Variants in ADAMTSL1 observed in about 807,000 individuals in gnomAD.
ADAMTSL1 encodes ADAMTS like 1.
In ADAMTSL1, 126 loss-of-function variants were observed where a neutral mutation model predicts 201.8. That is an observed-to-expected ratio of 0.62 (90% CI 0.54 to 0.72). ADAMTSL1 has a LOEUF of 0.72. Ranked by LOEUF, ADAMTSL1 falls within the 30% of genes least tolerant of loss-of-function variation. The pLI, the probability that ADAMTSL1 is intolerant of heterozygous loss-of-function variation, is 0.00. For synonymous variants in ADAMTSL1, 1,121 were observed against 903.4 expected, an observed-to-expected ratio of 1.24 and a Z score of -4.32; for missense variants, 2,679 against 2,277.8, an observed-to-expected ratio of 1.18 and a Z score of -3.59.
chr9:18,652,692 T>C (rs1828372054), intron 7 of ADAMTSL1, among the ~76,000 whole-genome samples: 1 of 152,212 alleles, frequency 6.6e-6, no homozygotes, highest in African/African-American at 2.4e-5. Context: ...GAAGCTGGGA[T>C]GTTTGGTAAG....
chr9:18,625,018 T>C, intron 5 of ADAMTSL1, among the ~76,000 whole-genome samples: 1 of 152,224 alleles, frequency 6.6e-6, no homozygotes, highest in Admixed American at 6.5e-5. Flanking sequence ...TCACTTATGT[T>C]TCTCTACTCT....
chr9:18,657,608 A>T, intron 7 of ADAMTSL1, 31 bp from the exon 8 acceptor site: 1 of 1,552,016 alleles, frequency 6.4e-7, no homozygotes, highest in Non-Finnish European at 8.9e-7. Context: ...GCACTGTCAC[A>T]TTACTTCTAC....
chr9:18,102,610 A>G (rs983115413), intron 1 of ADAMTSL1, among the ~76,000 whole-genome samples: 4 of 152,204 alleles, frequency 2.6e-5, no homozygotes, highest in Non-Finnish European at 5.9e-5. Flanking sequence ...GGAGCAGGTC[A>G]TGAAGAAAGA....
chr9:18,837,636 G>C (rs1446576608), intron 23 of ADAMTSL1, among the ~76,000 whole-genome samples: 1 of 152,138 alleles, frequency 6.6e-6, no homozygotes, highest in Non-Finnish European at 1.5e-5. Context: ...TACTCAAGGG[G>C]ATCCTCTGCA....
Position 17,952,119 on chromosome 9 carries a change from CT to C in ADAMTSL1, c.87+45212del, listed in dbSNP as rs541405219. ...GCCTGGCTAATTGGTTTCTTTCTTT[CT>C]TTTTTTTTTTTTTTGTAAAGATGGA... On this transcript the variant is annotated intron_variant, in intron 1 of 29. Transcript: ENST00000680146. 1.5e-3 allele frequency among the ~76,000 whole-genome samples: 214 copies of C among 139,630 alleles called. 1 individual carries two copies. The highest frequency in any genetic ancestry group is 1.4e-3 in the East Asian group (7 of 4,862). 91.6% of individuals were successfully genotyped at this position (139,630 alleles called of 152,430 possible).
At chr9:18,446,034 C>T (rs1345814233) in intron 2 of ADAMTSL1, among the ~76,000 whole-genome samples, 2 of 152,094 alleles carry the variant, frequency 1.3e-5, no homozygotes, top group Non-Finnish European at 2.9e-5. Context: ...AACCAGGAAG[C>T]GATGGACCCA....
At chr9:18,234,613 G>T (rs1473065755) in intron 2 of ADAMTSL1, among the ~76,000 whole-genome samples, 3 of 152,036 alleles carry the variant, frequency 2.0e-5, no homozygotes, top group African/African-American at 7.2e-5. Context: ...ATTAATTCTT[G>T]GTTCCCACCA....
At chr9:18,889,467 A>G in intron 24 of ADAMTSL1, 101 bp from the exon 25 acceptor site, 3 of 1,319,486 alleles carry the variant, frequency 2.3e-6, no homozygotes, top group South Asian at 2.9e-5. Flanking sequence ...TCAGGCCACA[A>G]ATCCACCCCT....
chr9:18,765,564 T>TCATA (rs1253379613), intron 16 of ADAMTSL1, among the ~76,000 whole-genome samples: 2 of 152,204 alleles, frequency 1.3e-5, no homozygotes, highest in African/African-American at 4.8e-5. Flanking sequence ...ACTGTTCAGC[T>TCATA]CATACCCTGA....
chr9:18,859,726 A>T (rs1827090056), intron 23 of ADAMTSL1, among the ~76,000 whole-genome samples: 1 of 152,234 alleles, frequency 6.6e-6, no homozygotes. Flanking sequence ...AGATGTATGT[A>T]CTAGGAAATT....
At chr9:17,956,727 C>T (rs1827947079) in intron 1 of ADAMTSL1, among the ~76,000 whole-genome samples, 2 of 152,076 alleles carry the variant, frequency 1.3e-5, no homozygotes, top group African/African-American at 4.8e-5. Flanking sequence ...CAATTAGAAG[C>T]CATTTCAATG....
chr9:18,190,242 A>G (rs1193232290), intron 2 of ADAMTSL1, among the ~76,000 whole-genome samples: 1 of 152,140 alleles, frequency 6.6e-6, no homozygotes, highest in Non-Finnish European at 1.5e-5. Context: ...AAGACAGCTT[A>G]TTTTCATAAG....
intron 1 of ADAMTSL1, among the ~76,000 whole-genome samples, chr9:17,998,376 G>T (rs1433286608): frequency 6.6e-6 from 1 of 152,006 alleles, no homozygotes; most frequent in Non-Finnish European, 1.5e-5. Context: ...GGGAGGCAGA[G>T]CTAGGGTAGA....
At chr9:18,342,112 T>A (rs116195273) in intron 2 of ADAMTSL1, among the ~76,000 whole-genome samples, 1 of 152,108 alleles carries the variant, frequency 6.6e-6, no homozygotes, top group African/African-American at 2.4e-5. Context: ...AAGCCCGATC[T>A]TACTCCCAGT....
At chr9:18,678,999 G>A (rs190502261) in intron 10 of ADAMTSL1, among the ~76,000 whole-genome samples, 23 of 152,254 alleles carry the variant, frequency 1.5e-4, no homozygotes, top group African/African-American at 5.5e-4. Context: ...AATACACATA[G>A]GAAAATATTG....
At chr9:18,316,634 C>G (rs1266104784) in intron 2 of ADAMTSL1, among the ~76,000 whole-genome samples, 1 of 152,024 alleles carries the variant, frequency 6.6e-6, no homozygotes, top group African/African-American at 2.4e-5. Context: ...TTCTTTTTTT[C>G]AAGGTGCCCA....
intron 1 of ADAMTSL1, among the ~76,000 whole-genome samples, chr9:18,502,110 G>C (rs1004893691): frequency 6.6e-6 from 1 of 152,190 alleles, no homozygotes; most frequent in African/African-American, 2.4e-5. Context: ...TTTGGCATTC[G>C]AGTGTTCTTA....
chr9:18,009,006 A>C (rs1027870097), intron 1 of ADAMTSL1, among the ~76,000 whole-genome samples: 1 of 151,994 alleles, frequency 6.6e-6, no homozygotes, highest in Non-Finnish European at 1.5e-5. Flanking sequence ...AAGAATGACT[A>C]TCACGAGCTC....
intron 2 of ADAMTSL1, among the ~76,000 whole-genome samples, chr9:18,290,369 T>A (rs927755450): frequency 6.6e-6 from 1 of 151,326 alleles, no homozygotes; most frequent in Non-Finnish European, 1.5e-5. Context: ...TGAGGAGACG[T>A]GTATTCCCAC....
Sources: gnomAD v4.1 joint callset for allele counts (sites outside exome capture counted in the v4.1 genomes callset) on GRCh38, gnomAD v4.1.1 for gene constraint, MANE v1.5 for transcripts, NCBI Gene and HGNC (gene_info 2026-07-23, HGNC 2026-07-21) for gene names.